Variants in PIP4K2A observed in about 807,000 individuals in gnomAD.
PIP4K2A encodes the protein phosphatidylinositol 5-phosphate 4-kinase type-2 alpha.
A neutral mutation model predicts 42.9 loss-of-function variants in PIP4K2A; 14 were observed. That is an observed-to-expected ratio of 0.33 (90% confidence interval 0.22 to 0.51). The LOEUF is 0.51. PIP4K2A is among the 20% of genes least tolerant of loss of function. PIP4K2A has a pLI of 0.97. For missense variants in PIP4K2A, 434 were observed against 519.8 expected (o/e 0.83, Z 1.61); for synonymous variants, 192 against 192.2 (o/e 1.00, Z 0.01).
At chr10:22,605,415 C>T (rs983729951) in intron 3 of PIP4K2A, among the ~76,000 whole-genome samples, 13 of 152,122 alleles carry the variant, frequency 8.5e-5, no homozygotes, top group African/African-American at 3.1e-4. Context: ...TTTGTACTGA[C>T]TTCAATATCA....
Position 22,535,785 on chromosome 10 carries a change from A to C in PIP4K2A, c.*1416T>G, listed in dbSNP as rs1564408146. The C allele has an allele frequency of 4.1e-6, 1 of 245,364 alleles. No homozygotes were observed. The highest frequency in any genetic ancestry group is 1.8e-4 in the South Asian group (1 of 5,702). 15.2% of individuals were successfully genotyped at this position (245,364 alleles called of 1,614,324 possible). A position where few individuals can be genotyped will look rare whatever the true frequency, so the allele number is the denominator to read the frequency against. ...AGGTTGGAAATTTATAACTTGATTA[A>C]AAACAATCAGCACAGTTTAGGGCAA... On this transcript the variant is annotated 3_prime_UTR_variant, in exon 10 of 10. Transcript: ENST00000376573.
At chr10:22,606,572 G>A (rs754026624) in intron 3 of PIP4K2A, among the ~76,000 whole-genome samples, 3 of 152,186 alleles carry the variant, frequency 2.0e-5, no homozygotes, top group Non-Finnish European at 4.4e-5. Flanking sequence ...AAAATTCCTG[G>A]AAATTTTTGG....
rs116048527 is a variant in PIP4K2A, at chr10:22,549,291, G to A, written c.792+1368C>T. 4.8e-3 allele frequency among the ~76,000 whole-genome samples: 734 copies of A among 151,730 alleles called. 4 individuals carry two copies. The highest frequency in any genetic ancestry group is 0.017 in the African/African-American group (692 of 41,366). ...ATTAAAAATAAATTATACTGCTTCC[G>A]CCTTCATGGGAAATACAAATGTATG... is the stretch of plus-strand genomic sequence containing the variant. On this transcript the variant is annotated intron_variant, in intron 7 of 9. Transcript: ENST00000376573.
At chr10:22,654,077 G>A (rs1365193889) in intron 1 of PIP4K2A, among the ~76,000 whole-genome samples, 4 of 152,116 alleles carry the variant, frequency 2.6e-5, no homozygotes, top group Admixed American at 6.5e-5. Context: ...ATAAATGGAC[G>A]AAAGGAAACC....
At chr10:22,582,573 C>T (rs1239040471) in intron 4 of PIP4K2A, among the ~76,000 whole-genome samples, 1 of 152,118 alleles carries the variant, frequency 6.6e-6, no homozygotes, top group African/African-American at 2.4e-5. Context: ...CAAATTAGTA[C>T]TTCAATGTAA....
At chr10:22,636,335 T>C (rs1424322474) in intron 1 of PIP4K2A, among the ~76,000 whole-genome samples, 1 of 152,160 alleles carries the variant, frequency 6.6e-6, no homozygotes, top group Non-Finnish European at 1.5e-5. Flanking sequence ...CACTGCCGCC[T>C]CAACGTCCCA....
At chr10:22,604,312 G>GCT (rs951110355) in intron 3 of PIP4K2A, among the ~76,000 whole-genome samples, 3 of 151,998 alleles carry the variant, frequency 2.0e-5, no homozygotes, top group African/African-American at 7.3e-5. Flanking sequence ...ACTTAACCAT[G>GCT]CTCTGCTTTA....
intron 1 of PIP4K2A, among the ~76,000 whole-genome samples, chr10:22,613,969 G>A (rs1170051791): frequency 2.0e-5 from 3 of 152,236 alleles, no homozygotes; most frequent in African/African-American, 7.2e-5. Flanking sequence ...ACCTTCACAT[G>A]TAGTAAAATA....
chr10:22,701,200 G>A (rs533562935), intron 1 of PIP4K2A, among the ~76,000 whole-genome samples: 5 of 152,288 alleles, frequency 3.3e-5, no homozygotes, highest in South Asian at 2.1e-4. Flanking sequence ...GGGGTATCCC[G>A]CCAGAAGCTA....
chr10:22,628,502 C>T (rs1449181321), intron 1 of PIP4K2A, among the ~76,000 whole-genome samples: 2 of 152,118 alleles, frequency 1.3e-5, no homozygotes, highest in Non-Finnish European at 1.5e-5. Flanking sequence ...TTATTGTGAG[C>T]CAAATATGAG....
intron 1 of PIP4K2A, among the ~76,000 whole-genome samples, chr10:22,628,344 T>TA (rs897974531): frequency 3.3e-5 from 5 of 152,246 alleles, no homozygotes; most frequent in Non-Finnish European, 5.9e-5. Flanking sequence ...ATCCATTATT[T>TA]AAGTCCTTTT....
chr10:22,536,116 G>A lies in PIP4K2A; in HGVS notation c.*1085C>T. On this transcript the variant is annotated 3_prime_UTR_variant, in exon 10 of 10. Transcript: ENST00000376573. The stretch of plus-strand genomic sequence containing the variant: ...CTAATAATGTAAACAGTAAAACTGA[G>A]GGTTTCAGTTAAAGGGATAATTCGT... The A allele has an allele frequency of 2.5e-6, 1 of 398,378 alleles. No individual in the cohort carries two copies. The highest frequency in any genetic ancestry group is 4.4e-6 in the Non-Finnish European group (1 of 226,006). The allele number at this position is 398,378 out of a possible 1,614,324, so 24.7% of individuals were successfully genotyped here. A position where few individuals can be genotyped will look rare whatever the true frequency, so the allele number is the denominator to read the frequency against.
Position 22,581,361 on chromosome 10 carries a change from A to C in PIP4K2A, c.493-7904T>G, listed in dbSNP as rs147329404. Among the ~76,000 whole-genome samples the C allele has an allele frequency of 3.4e-3, 514 of 152,250 alleles. 6 individuals are homozygous for C. Among genetic ancestry groups the C allele is most frequent in the African/African-American group, 0.012 (478 of 41,536 alleles). On this transcript the variant is annotated intron_variant, in intron 4 of 9. Transcript: ENST00000376573. ...CTTCATAAAAGTGAACCTGATTATCACCAATTCTTCTTATACTTGCTATAT... is the reference window on the plus strand; with the variant it reads ...CTTCATAAAAGTGAACCTGATTATCCCCAATTCTTCTTATACTTGCTATAT...
intron 6 of PIP4K2A, among the ~76,000 whole-genome samples, chr10:22,558,902 G>A (rs552245124): frequency 1.3e-5 from 2 of 152,116 alleles, no homozygotes; most frequent in East Asian, 3.8e-4. Flanking sequence ...TTTCCCTCAA[G>A]CTAATACGTA....
chr10:22,562,513 C>CACT (rs1314707206), intron 6 of PIP4K2A, among the ~76,000 whole-genome samples: 1 of 152,208 alleles, frequency 6.6e-6, no homozygotes, highest in African/African-American at 2.4e-5. Flanking sequence ...TGCACCACTG[C>CACT]ACTCCAGCCT....
rs1835934108 is a variant in PIP4K2A, at chr10:22,536,726, A to AAAG, written c.*474_*475insCTT. On this transcript the variant is annotated 3_prime_UTR_variant, in exon 10 of 10. Transcript: ENST00000376573. Reference sequence around the variant, plus strand: ...CATCTTTCAACTCCAAAAAAAAAAAAAAAAAAAAAAAACTGATCCACAGTT... The same window carrying AAAG: ...CATCTTTCAACTCCAAAAAAAAAAAAAAGAAAAAAAAAAAACTGATCCACAGTT... The AAAG allele has an allele frequency of 7.9e-6, 1 of 126,910 alleles. No individual in the cohort carries two copies. The highest frequency in any genetic ancestry group is 2.9e-5 in the African/African-American group (1 of 34,818). 7.9% of individuals were successfully genotyped at this position (126,910 alleles called of 1,614,324 possible). A position where few individuals can be genotyped will look rare whatever the true frequency, so the allele number is the denominator to read the frequency against.
Position 22,656,466 on chromosome 10 carries a change from A to G in PIP4K2A, c.145-46749T>C, listed in dbSNP as rs531769732. Among the ~76,000 whole-genome samples, 111 of 152,366 alleles carry G rather than the reference A, an allele frequency of 7.3e-4. 1 individual carries two copies. Among genetic ancestry groups the G allele is most frequent in the African/African-American group, 2.4e-3 (101 of 41,582 alleles). The stretch of plus-strand genomic sequence containing the variant: ...GAAGAGACACTGTCTTGCTGGACTC[A>G]GTGGTGAACACGGTAAGGCTGGAGC... On this transcript the variant is annotated intron_variant, in intron 1 of 9. Coordinates refer to ENST00000376573, the MANE Select transcript of PIP4K2A (RefSeq NM_005028.5).
rs146420322 is a variant in PIP4K2A at position 22,707,655 on chromosome 10, G to A, written c.144+6528C>T. Reference sequence around the variant, plus strand: ...CAGGCAGCACAGCTCAGTGGTTAACGGTACCGTTGTGAATCCCAAGTACTA... The same window carrying A: ...CAGGCAGCACAGCTCAGTGGTTAACAGTACCGTTGTGAATCCCAAGTACTA... On this transcript the variant is annotated intron_variant, in intron 1 of 9. Transcript: ENST00000376573. Among the ~76,000 whole-genome samples the A allele has an allele frequency of 3.9e-3, 593 of 152,232 alleles. 4 individuals carry two copies. Among genetic ancestry groups the A allele is most frequent in the African/African-American group, 0.014 (575 of 41,538 alleles).
At chr10:22,652,731 T>C (rs990560112) in intron 1 of PIP4K2A, among the ~76,000 whole-genome samples, 1 of 152,220 alleles carries the variant, frequency 6.6e-6, no homozygotes, top group African/African-American at 2.4e-5. Flanking sequence ...GTTATGTTCT[T>C]AATGAAAAAT....
Sources: gnomAD v4.1 joint callset for allele counts (sites outside exome capture counted in the v4.1 genomes callset) on GRCh38, gnomAD v4.1.1 for gene constraint, MANE v1.5 for transcripts, NCBI Gene and HGNC (gene_info 2026-07-23, HGNC 2026-07-21) for gene names.